DMD: variants seen among roughly 807,000 people sequenced by gnomAD.
DMD encodes dystrophin, also known as mutant dystrophin.
DMD carries 63 observed loss-of-function variants against 330.1 expected under a neutral mutation model. That is an observed-to-expected ratio of 0.19 (90% CI 0.16 to 0.24). The LOEUF is 0.24. DMD is among the 10% of genes least tolerant of loss of function. The probability of loss-of-function intolerance (pLI) is 1.00; values close to 1 mark genes in which losing one functional copy is unlikely to be tolerated. For missense variants in DMD, 3,344 were observed against 2,684.1 expected (o/e 1.25, Z -5.43); for synonymous variants, 1,223 against 959.8 (o/e 1.27, Z -5.07).
At chrX:32,024,610 C>CT (rs966540275) in intron 44 of DMD, among the ~76,000 whole-genome samples, 6 of 111,194 alleles carry the variant, frequency 5.4e-5, no homozygotes, top group African/African-American at 2.0e-4. Context: ...ACTAGAGCCA[C>CT]TGTCTTGGCA....
At chrX:32,771,436 G>C (rs2148461866) in intron 7 of DMD, among the ~76,000 whole-genome samples, 1 of 110,246 alleles carries the variant, frequency 9.1e-6, no homozygotes, top group East Asian at 2.9e-4. Context: ...GATTTCTAAA[G>C]TTTTCAGCAA....
rs142171193 is a variant in DMD at position 31,192,616 on chromosome X, T to A, written c.9808-9712A>T. 5.9e-3 allele frequency among the ~76,000 whole-genome samples: 665 copies of A among 112,253 alleles called. 6 individuals carry two copies. The highest frequency in any genetic ancestry group is 0.02 in the African/African-American group (627 of 30,952). ...TAATCCATTTCCCTTTCGGCCTTTA[T>A]AACATTTAGCATAGAATCAAAGACA... is the stretch of plus-strand genomic sequence containing the variant. On this transcript the variant is annotated intron_variant, in intron 67 of 78. Transcript: ENST00000357033.
intron 41 of DMD, among the ~76,000 whole-genome samples, chrX:32,324,598 G>A (rs1395349296): frequency 9.0e-6 from 1 of 111,559 alleles, no homozygotes; most frequent in Non-Finnish European, 1.9e-5. Flanking sequence ...CCAAAGCACA[G>A]TAGTCATTAA....
intron 7 of DMD, among the ~76,000 whole-genome samples, chrX:32,731,516 G>A (rs1420886385): frequency 8.9e-6 from 1 of 112,563 alleles, no homozygotes; most frequent in Non-Finnish European, 1.9e-5. Flanking sequence ...ATCCCTGTCT[G>A]ACAGCTTTGA....
intron 56 of DMD, among the ~76,000 whole-genome samples, chrX:31,499,902 C>T (rs921880309): frequency 1.8e-5 from 2 of 112,097 alleles, no homozygotes; most frequent in Non-Finnish European, 3.8e-5. Context: ...CAGCAGAAGA[C>T]GGACCTGGAA....
At chrX:31,539,223 G>A (rs969842111) in intron 55 of DMD, among the ~76,000 whole-genome samples, 3 of 111,318 alleles carry the variant, frequency 2.7e-5, no homozygotes, top group African/African-American at 9.8e-5. Context: ...AGACAGAAAC[G>A]GAAGCCATTC....
chrX:31,768,087 C>G (rs1220735398), intron 51 of DMD, among the ~76,000 whole-genome samples: 1 of 111,427 alleles, frequency 9.0e-6, no homozygotes, highest in African/African-American at 3.3e-5. Context: ...AATGCCTTTG[C>G]CAACTCAATT....
intron 4 of DMD, 103 bp downstream of exon 4, chrX:32,844,680 A>G: frequency 5.8e-6 from 4 of 695,468 alleles, no homozygotes; most frequent in Non-Finnish European, 4.6e-6. Flanking sequence ...CTGATTTACA[A>G]GAGAATTTGA....
At chrX:33,310,671 A>G (rs1271786568) in intron 1 of DMD, among the ~76,000 whole-genome samples, 4 of 111,470 alleles carry the variant, frequency 3.6e-5, no homozygotes, top group Admixed American at 1.9e-4. Flanking sequence ...GCCTTGCATC[A>G]TAAGTAAGCC....
At chrX:31,175,877 G>C (rs774783344) in intron 71 of DMD, among the ~76,000 whole-genome samples, 1 of 111,360 alleles carries the variant, frequency 9.0e-6, no homozygotes, top group Non-Finnish European at 1.9e-5. Flanking sequence ...CTTATGGACA[G>C]ACAACGTAAA....
intron 61 of DMD, among the ~76,000 whole-genome samples, chrX:31,333,000 G>C (rs2057215519): frequency 9.0e-6 from 1 of 111,320 alleles, no homozygotes; most frequent in African/African-American, 3.3e-5. Flanking sequence ...CATGGGACCA[G>C]GGAACTAGTT....
Position 31,731,164 on chromosome X carries a change from T to C in DMD, c.7543-1416A>G, listed in dbSNP as rs975969449. On this transcript the variant is annotated intron_variant, in intron 51 of 78. Transcript: ENST00000357033. ...CTAACTTTTAACAAATTTTCCACAT[T>C]TGTAAGCTGTGATTGCTCAGAAAAA... Among the ~76,000 whole-genome samples the C allele has an allele frequency of 5.4e-5, 6 of 112,072 alleles. No homozygotes were observed. In the Admixed American group the frequency reaches 5.7e-4, roughly 11 times the overall value.
At chrX:33,302,712 C>T (rs971171894) in intron 1 of DMD, among the ~76,000 whole-genome samples, 2 of 111,294 alleles carry the variant, frequency 1.8e-5, no homozygotes, top group African/African-American at 6.5e-5. Flanking sequence ...GCCACCCACG[C>T]TATCTACATC....
chrX:31,440,289 A>T (rs2064845562), intron 60 of DMD, among the ~76,000 whole-genome samples: 1 of 109,699 alleles, frequency 9.1e-6, no homozygotes, highest in Non-Finnish European at 1.9e-5. Flanking sequence ...CTGATCTACA[A>T]GCGTGCGCCA....
chrX:32,127,047 T>C (rs1272259302), intron 44 of DMD, among the ~76,000 whole-genome samples: 1 of 111,700 alleles, frequency 9.0e-6, no homozygotes, highest in Non-Finnish European at 1.9e-5. Context: ...TGATCTTCCT[T>C]TGTGACAGTG....
intron 9 of DMD, among the ~76,000 whole-genome samples, chrX:32,662,389 T>C (rs1014180784): frequency 2.7e-5 from 3 of 111,800 alleles, no homozygotes; most frequent in Non-Finnish European, 5.7e-5. Flanking sequence ...CCATTTAAGG[T>C]AAAAGAGAAA....
intron 17 of DMD, among the ~76,000 whole-genome samples, chrX:32,539,691 G>A (rs900160575): frequency 9.0e-6 from 1 of 111,708 alleles, no homozygotes; most frequent in South Asian, 3.7e-4. Flanking sequence ...GGTCTTATCT[G>A]TTATCTATTT....
At chrX:31,123,450 A>AAATC (rs1286413247) in intron 78 of DMD, among the ~76,000 whole-genome samples, 1 of 112,298 alleles carries the variant, frequency 8.9e-6, no homozygotes, top group Non-Finnish European at 1.9e-5. Context: ...TGAAGAACTG[A>AAATC]AATCATTTTT....
chrX:32,809,919 C>CCAAAAAAAAAAAAAAAAAAAAAAAA (rs2077222247), intron 6 of DMD, among the ~76,000 whole-genome samples: 2 of 28,660 alleles, frequency 7.0e-5, no homozygotes, highest in African/African-American at 2.7e-4. Context: ...TTGTTTCTAC[C>CCAAAAAAAAAAAAAAAAAAAAAAAA]AAAAAAAAAA....
Sources: allele counts gnomAD v4.1 joint callset (sites outside exome capture counted in the v4.1 genomes callset), GRCh38; gene constraint gnomAD v4.1.1; transcripts MANE v1.5; gene names NCBI Gene and HGNC (gene_info 2026-07-23, HGNC 2026-07-21).